NSG2: variants seen among roughly 807,000 people sequenced by gnomAD.
NSG2 encodes neuronal vesicle trafficking-associated protein 2.
Under a neutral mutation model 16.9 loss-of-function variants are expected in NSG2, and 4 were observed. That is an observed-to-expected ratio of 0.24 (90% CI 0.12 to 0.54). The LOEUF is 0.54. Ranked by LOEUF, NSG2 falls within the 20% of genes least tolerant of loss-of-function variation. The pLI, the probability that NSG2 is intolerant of heterozygous loss-of-function variation, is 0.95. For missense variants in NSG2, 179 were observed against 221.1 expected (o/e 0.81, Z 1.21); for synonymous variants, 98 against 88.7 (o/e 1.11, Z -0.59).
intron 2 of NSG2, among the ~76,000 whole-genome samples, chr5:174,048,302 C>G (rs1759832642): frequency 6.6e-6 from 1 of 152,192 alleles, no homozygotes; most frequent in African/African-American, 2.4e-5. Flanking sequence ...TGACCCAGAA[C>G]AATTGTATCA....
chr5:174,068,452 G>A (rs1760179670), intron 3 of NSG2, among the ~76,000 whole-genome samples: 1 of 152,200 alleles, frequency 6.6e-6, no homozygotes, highest in Non-Finnish European at 1.5e-5. Context: ...AGAGCAAGGG[G>A]TTCTCTAAAA....
At chr5:174,047,553 T>C (rs1352092478) in intron 2 of NSG2, among the ~76,000 whole-genome samples, 1 of 152,018 alleles carries the variant, frequency 6.6e-6, no homozygotes, top group African/African-American at 2.4e-5. Flanking sequence ...TGGCAGACCA[T>C]GGAGTGGGGA....
intron 3 of NSG2, among the ~76,000 whole-genome samples, chr5:174,093,353 T>C (rs900021089): frequency 6.6e-6 from 1 of 152,316 alleles, no homozygotes; most frequent in East Asian, 1.9e-4. Flanking sequence ...CGCCCCGCCA[T>C]CCAACAGCTA....
intron 3 of NSG2, among the ~76,000 whole-genome samples, chr5:174,077,374 C>T (rs776446828): frequency 1.4e-4 from 22 of 152,238 alleles, no homozygotes; most frequent in South Asian, 1.0e-3. Flanking sequence ...TCTGGGGCTT[C>T]TCTTGATCAT....
At chr5:174,086,449 C>T (rs1760623318) in intron 3 of NSG2, 1 of 152,192 alleles carries the variant, frequency 6.6e-6, no homozygotes, top group African/African-American at 2.4e-5. Context: ...CCGTCCTTGA[C>T]AACGATTGTC....
intron 3 of NSG2, among the ~76,000 whole-genome samples, chr5:174,084,448 G>A (rs1760559927): frequency 1.3e-5 from 2 of 152,332 alleles, no homozygotes; most frequent in African/African-American, 2.4e-5. Flanking sequence ...GCCTCAAGGA[G>A]CAAGCGGTTC....
intron 2 of NSG2, among the ~76,000 whole-genome samples, chr5:174,049,213 G>T (rs954631958): frequency 8.5e-5 from 13 of 152,128 alleles, no homozygotes; most frequent in South Asian, 2.1e-4. Flanking sequence ...GGTGGTGGGT[G>T]CCTGTAGTCC....
intron 2 of NSG2, among the ~76,000 whole-genome samples, chr5:174,049,155 C>T (rs541041970): frequency 6.2e-4 from 94 of 151,932 alleles, no homozygotes; most frequent in Non-Finnish European, 1.2e-3. Context: ...CTGGCGAACA[C>T]GGTGAAACCG....
chr5:174,059,471 T>G (rs1581219413), intron 2 of NSG2, among the ~76,000 whole-genome samples: 1 of 152,340 alleles, frequency 6.6e-6, no homozygotes, highest in South Asian at 2.1e-4. Flanking sequence ...CTATTGATTT[T>G]GGTTTACTTA....
At chr5:174,064,167 G>T in intron 2 of NSG2, 65 bp from the exon 3 acceptor site, 1 of 1,175,610 alleles carries the variant, frequency 8.5e-7, no homozygotes, top group South Asian at 1.9e-5. Flanking sequence ...TCTGGTTACT[G>T]AAAAAAAAGA....
At chr5:174,083,407 A>G (rs759511719) in intron 3 of NSG2, among the ~76,000 whole-genome samples, 1 of 152,202 alleles carries the variant, frequency 6.6e-6, no homozygotes, top group Non-Finnish European at 1.5e-5. Context: ...CAGGAAAATC[A>G]ATTGTGTTTC....
intron 3 of NSG2, among the ~76,000 whole-genome samples, chr5:174,066,479 T>G (rs1298816853): frequency 6.6e-6 from 1 of 152,246 alleles, no homozygotes; most frequent in African/African-American, 2.4e-5. Context: ...TTTCTTGTGA[T>G]TTCATAAATG....
At chr5:174,074,421 C>G (rs1194194157) in intron 3 of NSG2, among the ~76,000 whole-genome samples, 1 of 152,126 alleles carries the variant, frequency 6.6e-6, no homozygotes. Context: ...GAAGCTACGC[C>G]TGGTACCTGT....
intron 2 of NSG2, among the ~76,000 whole-genome samples, chr5:174,050,097 C>A (rs1759864892): frequency 6.6e-6 from 1 of 152,130 alleles, no homozygotes; most frequent in Admixed American, 6.5e-5. Flanking sequence ...ACTCACAGGA[C>A]TTTTGTAGAG....
intron 3 of NSG2, among the ~76,000 whole-genome samples, chr5:174,101,586 A>G (rs1760897082): frequency 6.6e-6 from 1 of 152,226 alleles, no homozygotes. Context: ...TTGGCTCAGC[A>G]TCACGTTTGA....
intron 3 of NSG2, among the ~76,000 whole-genome samples, chr5:174,103,234 T>C (rs1238793370): frequency 6.6e-6 from 1 of 151,814 alleles, no homozygotes; most frequent in Non-Finnish European, 1.5e-5. Flanking sequence ...TTGGACATGA[T>C]TGAGGTGGTA....
intron 3 of NSG2, among the ~76,000 whole-genome samples, chr5:174,076,160 C>T (rs1188305708): frequency 6.6e-6 from 1 of 152,182 alleles, no homozygotes; most frequent in Non-Finnish European, 1.5e-5. Flanking sequence ...TGCCAGTGCC[C>T]ACCAATTGAG....
At chr5:174,097,076 G>C (rs2113471638) in intron 3 of NSG2, among the ~76,000 whole-genome samples, 1 of 152,214 alleles carries the variant, frequency 6.6e-6, no homozygotes, top group Middle Eastern at 3.4e-3. Context: ...ATAACTCTTA[G>C]CATCTGTTGT....
chr5:174,104,191 G>C (rs778766669), intron 3 of NSG2, 37 bp from the exon 4 acceptor site: 17 of 1,497,302 alleles, frequency 1.1e-5, no homozygotes, highest in Middle Eastern at 1.7e-4. Context: ...AAGGTGGGCA[G>C]ACTGAGGCTG....
Sources: gnomAD v4.1 joint callset for allele counts (sites outside exome capture counted in the v4.1 genomes callset) on GRCh38, gnomAD v4.1.1 for gene constraint, MANE v1.5 for transcripts, NCBI Gene and HGNC (gene_info 2026-07-23, HGNC 2026-07-21) for gene names.